SH3D19: variants seen among roughly 807,000 people sequenced by gnomAD.
The protein encoded by SH3D19 is SH3 domain-containing protein 19.
A neutral mutation model predicts 112.1 loss-of-function variants in SH3D19; 58 were observed. The ratio of observed to expected loss-of-function variants is 0.52; its 90% CI spans 0.42 to 0.64. The LOEUF is 0.64. Among genes scored for constraint, SH3D19 ranks in the 30% least tolerant of loss-of-function variants. The probability of loss-of-function intolerance (pLI) is 0.00; values close to 1 mark genes in which losing one functional copy is unlikely to be tolerated. For missense variants in SH3D19, 1,090 were observed against 1,263.4 expected (o/e 0.86, Z 2.08); for synonymous variants, 391 against 448.5 (o/e 0.87, Z 1.62).
chr4:151,209,903 G>A (rs1473132622), intron 2 of SH3D19, among the ~76,000 whole-genome samples: 1 of 151,944 alleles, frequency 6.6e-6, no homozygotes, highest in Non-Finnish European at 1.5e-5. Flanking sequence ...AACAGAAATG[G>A]GTTAAAAAAT....
chr4:151,127,194 G>T (rs1217782186), intron 19 of SH3D19, among the ~76,000 whole-genome samples: 3 of 152,154 alleles, frequency 2.0e-5, no homozygotes, highest in African/African-American at 7.2e-5. Context: ...GTCTTATGAG[G>T]CTACTATGCT....
intron 1 of SH3D19, among the ~76,000 whole-genome samples, chr4:151,290,906 A>G (rs1326038769): frequency 2.0e-5 from 3 of 152,200 alleles, no homozygotes; most frequent in African/African-American, 4.8e-5. Flanking sequence ...GAAATTACTA[A>G]TATATTTCAC....
At chr4:151,173,031 G>A (rs1759342696) in intron 7 of SH3D19, among the ~76,000 whole-genome samples, 1 of 152,184 alleles carries the variant, frequency 6.6e-6, no homozygotes, top group Middle Eastern at 3.2e-3. Context: ...GGAAAAGGCT[G>A]AGTATGAAGC....
intron 19 of SH3D19, among the ~76,000 whole-genome samples, chr4:151,123,735 G>A (rs1748546050): frequency 6.6e-6 from 1 of 152,138 alleles, no homozygotes; most frequent in South Asian, 2.1e-4. Flanking sequence ...TAACTATTTT[G>A]TTCTTTATAG....
chr4:151,282,274 C>T (rs376777805), intron 1 of SH3D19: 32 of 1,613,852 alleles, frequency 2.0e-5, no homozygotes, highest in East Asian at 8.9e-5. Flanking sequence ...CAACGGCAGA[C>T]GTCGCCTTGT....
At chr4:151,278,250 G>A (rs1160788753) in intron 1 of SH3D19, among the ~76,000 whole-genome samples, 2 of 152,126 alleles carry the variant, frequency 1.3e-5, no homozygotes, top group African/African-American at 2.4e-5. Flanking sequence ...TCAAGTAAAA[G>A]CTAAATTTGA....
chr4:151,149,030 C>T (rs549742350), intron 10 of SH3D19, among the ~76,000 whole-genome samples: 45 of 151,622 alleles, frequency 3.0e-4, no homozygotes, highest in Non-Finnish European at 5.6e-4. Flanking sequence ...GAGGGAGACT[C>T]CATCTCAAAA....
rs774987956 is a variant in SH3D19, at chr4:151,291,124, T to A, written c.112+34117A>T. On this transcript the variant is annotated intron_variant, in intron 1 of 19. Transcript: ENST00000604030. ...CCTTTCATTTCTTCCTTAGGGTGAT[T>A]CTGGAGGGCCTCTGTCGTGTCACAT... The A allele has an allele frequency of 1.9e-6, 3 of 1,609,660 alleles. No homozygotes were observed. The Admixed American group carries it at 5.0e-5, about 27-fold the overall frequency.
At chr4:151,246,985 G>A (rs908194870) in intron 1 of SH3D19, among the ~76,000 whole-genome samples, 1 of 152,218 alleles carries the variant, frequency 6.6e-6, no homozygotes, top group African/African-American at 2.4e-5. Context: ...GAGCTAGGAA[G>A]TGACGGTGCT....
intron 1 of SH3D19, among the ~76,000 whole-genome samples, chr4:151,251,126 C>T (rs1771344740): frequency 6.6e-6 from 1 of 152,128 alleles, no homozygotes; most frequent in Non-Finnish European, 1.5e-5. Flanking sequence ...CCAATACCTG[C>T]ACCCTTTCCA....
intron 9 of SH3D19, among the ~76,000 whole-genome samples, chr4:151,153,893 T>C (rs1318053005): frequency 6.6e-6 from 1 of 152,216 alleles, no homozygotes; most frequent in Non-Finnish European, 1.5e-5. Flanking sequence ...AACTTCCTTT[T>C]TTTTGTTTTT....
chr4:151,139,753 A>T (rs765434408), intron 13 of SH3D19, 22 bp downstream of exon 13: 3 of 1,609,066 alleles, frequency 1.9e-6, no homozygotes, highest in Non-Finnish European at 2.6e-6. Flanking sequence ...TGGTTCTCCC[A>T]CTGCATTATT....
intron 1 of SH3D19, chr4:151,283,192 A>G: frequency 3.7e-6 from 6 of 1,613,900 alleles, no homozygotes; most frequent in Non-Finnish European, 4.2e-6. Flanking sequence ...CAGCTCTACA[A>G]TCCCATCGGT....
intron 1 of SH3D19, among the ~76,000 whole-genome samples, chr4:151,295,851 C>T (rs1340825695): frequency 6.6e-6 from 1 of 152,094 alleles, no homozygotes; most frequent in Admixed American, 6.5e-5. Flanking sequence ...TCCTGGCCAA[C>T]ATGGTGAAAC....
At chr4:151,171,097 C>CA (rs1360943427) in intron 7 of SH3D19, among the ~76,000 whole-genome samples, 3 of 152,168 alleles carry the variant, frequency 2.0e-5, no homozygotes, top group Non-Finnish European at 4.4e-5. Flanking sequence ...AGTCCATTGA[C>CA]ATTTATTTCC....
intron 1 of SH3D19, chr4:151,279,910 C>T (rs1247270384): frequency 1.2e-6 from 2 of 1,613,694 alleles, no homozygotes; most frequent in Non-Finnish European, 1.7e-6. Context: ...TGTGGAGGTT[C>T]CCTCGTCAGT....
At chr4:151,280,768 C>T (rs112824453) in intron 1 of SH3D19, among the ~76,000 whole-genome samples, 1 of 150,940 alleles carries the variant, frequency 6.6e-6, no homozygotes, top group African/African-American at 2.4e-5. Flanking sequence ...CCAGCCTGGG[C>T]GACAGAGTGA....
chr4:151,284,931 C>G lies in SH3D19; in HGVS notation c.112+40310G>C, dbSNP rs74769091. On this transcript the variant is annotated intron_variant, in intron 1 of 19. Coordinates refer to ENST00000604030, the MANE Select transcript of SH3D19 (RefSeq NM_001378122.1). ...GTTTATATGCAGAACTTGGGACTCT[C>G]GCTCTGTGGCTCTCTCCTTTCTGGT... Among the ~76,000 whole-genome samples, 6 of 152,274 alleles carry G rather than the reference C, an allele frequency of 3.9e-5. No homozygotes were observed. In the East Asian group the frequency reaches 1.2e-3, roughly 29 times the overall value.
intron 2 of SH3D19, among the ~76,000 whole-genome samples, chr4:151,194,436 A>C (rs2149869221): frequency 6.6e-6 from 1 of 152,120 alleles, no homozygotes; most frequent in East Asian, 2.0e-4. Flanking sequence ...ATAAGCGATA[A>C]AATATAGACA....
Sources: gnomAD v4.1 joint callset for allele counts (sites outside exome capture counted in the v4.1 genomes callset) on GRCh38, gnomAD v4.1.1 for gene constraint, MANE v1.5 for transcripts, NCBI Gene and HGNC (gene_info 2026-07-23, HGNC 2026-07-21) for gene names.